SYCP1: variants seen among roughly 807,000 people sequenced by gnomAD.
The protein encoded by SYCP1 is synaptonemal complex protein 1.
Under a neutral mutation model 153.1 loss-of-function variants are expected in SYCP1, and 64 were observed. That is an observed-to-expected ratio of 0.42 (90% confidence interval 0.34 to 0.51). The LOEUF (loss-of-function observed/expected upper bound fraction) is 0.51, where lower values mean the gene tolerates loss of function less well. Among genes scored for constraint, SYCP1 ranks in the 20% least tolerant of loss-of-function variants. The pLI is 0.06. For missense variants in SYCP1, 997 were observed against 1,049.0 expected, an observed-to-expected ratio of 0.95 and a Z score of 0.68; for synonymous variants, 384 against 341.8, an observed-to-expected ratio of 1.12 and a Z score of -1.36.
In SYCP1 at chr1:114,977,602, GA is replaced by G. The variant is rs745637836; in HGVS notation, c.2376del (p.Asp793ThrfsTer65). ...AAAAGAAAACACAGCTACTCTTAAA[GA>G]AAAAAAAGACAAGGTAAGAGCATAT... ...EAKENTATLKEKKDKKTQTFL... is the reference protein window; with the variant it reads ...EAKENTATLKXKKDKKTQTFL... On this transcript the variant is annotated frameshift_variant, in exon 28 of 32. Transcript: ENST00000369522. LOFTEE classifies it high-confidence loss of function. 2.1e-5 allele frequency: 31 copies of G among 1,496,638 alleles called. No homozygotes were observed. The highest frequency in any genetic ancestry group is 9.2e-5 in the Admixed American group (4 of 43,386). 92.7% of individuals were successfully genotyped at this position (1,496,638 alleles called of 1,614,324 possible). A position where few individuals can be genotyped will look rare whatever the true frequency, so the allele number is the denominator to read the frequency against.
chr1:114,889,740 C>A (rs957691764), intron 15 of SYCP1, among the ~76,000 whole-genome samples: 2 of 152,060 alleles, frequency 1.3e-5, no homozygotes, highest in Admixed American at 1.3e-4. Context: ...GCTTCTGTTG[C>A]CGTTGCTTTT....
chr1:114,878,975 A>G (rs1222738135), intron 12 of SYCP1, among the ~76,000 whole-genome samples: 7 of 152,184 alleles, frequency 4.6e-5, no homozygotes, highest in Non-Finnish European at 1.5e-5. Context: ...TAGACAGTGA[A>G]CTGGAGTAGA....
At chr1:114,935,145 A>C (rs1669912444) in intron 23 of SYCP1, among the ~76,000 whole-genome samples, 1 of 152,212 alleles carries the variant, frequency 6.6e-6, no homozygotes, top group Admixed American at 6.5e-5. Flanking sequence ...AAAATTGACC[A>C]CATAGTTGGA....
chr1:114,879,749 A>C (rs1227195044), intron 12 of SYCP1, among the ~76,000 whole-genome samples: 1 of 152,186 alleles, frequency 6.6e-6, no homozygotes, highest in Non-Finnish European at 1.5e-5. Context: ...AAGTGTGTTC[A>C]TTTAAGTGAC....
At chr1:114,950,973 T>C (rs1485041581) in intron 27 of SYCP1, among the ~76,000 whole-genome samples, 4 of 152,076 alleles carry the variant, frequency 2.6e-5, no homozygotes. Context: ...TACAGGTGTC[T>C]GCCACCACGC....
In SYCP1 at chr1:114,981,366, G is replaced by A. The variant is rs775253989; in HGVS notation, c.2413G>A (p.Glu805Lys). Residue 805 changes from glutamate to lysine, a missense_variant, in exon 29 of 32, where the codon GAA becomes AAA. Transcript: ENST00000369522. ...ACAAACATTTTTATTGGAAACACCT[G>A]AAATTTATTGGAAATTGGATTCTAA... Reference protein sequence around the residue: ...KTQTFLLETPEIYWKLDSKAV... With the variant: ...KTQTFLLETPKIYWKLDSKAV... 6.3e-7 allele frequency: 1 copy of A among 1,598,614 alleles called. No individual in the cohort carries two copies. The highest frequency in any genetic ancestry group is 8.5e-7 in the Non-Finnish European group (1 of 1,175,226).
At chr1:114,875,794 A>G (rs1346644677) in intron 9 of SYCP1, among the ~76,000 whole-genome samples, 1 of 152,218 alleles carries the variant, frequency 6.6e-6, no homozygotes, top group Non-Finnish European at 1.5e-5. Flanking sequence ...ATTTTGATAC[A>G]TGCTATTAAG....
rs1037464599 is a variant in SYCP1, at chr1:114,963,351, G to A, written c.2323-14206G>A. ...TAACATAATCCCAAGCTTCTTGGAG[G>A]CTTTGTTCATTTTTTTAAAAGTATT... On this transcript the variant is annotated intron_variant, in intron 27 of 31. Transcript: ENST00000369522. Among the ~76,000 whole-genome samples the A allele has an allele frequency of 2.0e-5, 3 of 151,936 alleles. No individual in the cohort carries two copies. In the East Asian group the frequency reaches 5.8e-4, roughly 29 times the overall value.
At position 114,886,202 on chromosome 1, in the gene SYCP1, T is replaced by G; in HGVS notation, c.1083T>G (p.Thr361=). 1 of 1,611,916 alleles carries G rather than the reference T, an allele frequency of 6.2e-7. No individual in the cohort carries two copies. Among genetic ancestry groups the G allele is most frequent in the Non-Finnish European group, 8.5e-7 (1 of 1,179,112 alleles). Residue 361 remains threonine (T), a synonymous_variant, in exon 14 of 32, where the codon ACT becomes ACG. Transcript: ENST00000369522. ...GTCAGCTAACTGAAGAAAAAGAAAC[T>G]CAAATGGAAGAATCTAATAAAGCTA... ...TICQLTEEKE[T]QMEESNKARA...
At chr1:114,907,672 C>T (rs1480514157) in intron 16 of SYCP1, among the ~76,000 whole-genome samples, 2 of 151,646 alleles carry the variant, frequency 1.3e-5, no homozygotes, top group African/African-American at 2.4e-5. Context: ...AGCTCCGCCT[C>T]CTGGGTTCAT....
chr1:114,923,586 A>C, intron 21 of SYCP1, 56 bp downstream of exon 21: 1 of 1,454,146 alleles, frequency 6.9e-7, no homozygotes, highest in Non-Finnish European at 9.3e-7. Context: ...TAAAAGCAAC[A>C]CCATATGTCT....
At chr1:114,909,723 G>T (rs1323053637) in intron 16 of SYCP1, among the ~76,000 whole-genome samples, 2 of 152,064 alleles carry the variant, frequency 1.3e-5, no homozygotes, top group Non-Finnish European at 2.9e-5. Flanking sequence ...TATATTTTAA[G>T]CATCTAGTGA....
intron 27 of SYCP1, among the ~76,000 whole-genome samples, chr1:114,962,912 T>C (rs924297064): frequency 1.3e-5 from 2 of 152,242 alleles, no homozygotes; most frequent in African/African-American, 2.4e-5. Flanking sequence ...AGACTTTATC[T>C]TTTCTTCATT....
intron 7 of SYCP1, among the ~76,000 whole-genome samples, chr1:114,860,046 T>A (rs1421499173): frequency 1.3e-5 from 2 of 152,188 alleles, no homozygotes; most frequent in East Asian, 3.8e-4. Context: ...GAATAAACAT[T>A]CCTTGGTGTC....
At chr1:114,867,087 C>T (rs1664803642) in intron 8 of SYCP1, among the ~76,000 whole-genome samples, 1 of 152,170 alleles carries the variant, frequency 6.6e-6, no homozygotes, top group East Asian at 1.9e-4. Flanking sequence ...TTTCTGGACT[C>T]TCTATTTTGT....
chr1:114,924,912 T>C (rs1023987173), intron 21 of SYCP1, among the ~76,000 whole-genome samples: 1 of 152,130 alleles, frequency 6.6e-6, no homozygotes, highest in African/African-American at 2.4e-5. Context: ...TGTAAAACTA[T>C]TGGAATAGTT....
At chr1:114,857,351 T>C (rs1277733144) in intron 4 of SYCP1, 76 bp downstream of exon 4, 12 of 1,539,832 alleles carry the variant, frequency 7.8e-6, no homozygotes, top group Non-Finnish European at 9.7e-6. Flanking sequence ...AAAAAGTCTT[T>C]AGTTATTGCA....
chr1:114,864,755 TG>T (rs1203377157), intron 8 of SYCP1, among the ~76,000 whole-genome samples: 2 of 152,212 alleles, frequency 1.3e-5, no homozygotes, highest in African/African-American at 2.4e-5. Context: ...CCCAAAATGT[TG>T]GGATTATAGG....
chr1:114,965,829 AGGTTTTGGTATAAG>A (rs1408092129), intron 27 of SYCP1, among the ~76,000 whole-genome samples: 1 of 152,114 alleles, frequency 6.6e-6, no homozygotes, highest in Non-Finnish European at 1.5e-5. Context: ...TGTCTCTGCC[AGGTTTTGGTATAAG>A]GATGATGCTG....
Sources: allele counts gnomAD v4.1 joint callset (sites outside exome capture counted in the v4.1 genomes callset), GRCh38; gene constraint gnomAD v4.1.1; transcripts MANE v1.5; gene names NCBI Gene and HGNC (gene_info 2026-07-23, HGNC 2026-07-21).